Variants in FGGY observed in about 807,000 individuals in gnomAD.
The protein encoded by FGGY is FGGY carbohydrate kinase domain containing.
FGGY carries 72 observed loss-of-function variants against 71.3 expected under a neutral mutation model. That is an observed-to-expected ratio of 1.01 (90% confidence interval 0.84 to 1.23). The LOEUF is 1.23. Ranked by LOEUF, FGGY falls within the 50% of genes most tolerant of loss-of-function variation. The pLI, the probability that FGGY is intolerant of heterozygous loss-of-function variation, is 0.00. For synonymous variants in FGGY, 251 were observed against 250.3 expected (o/e 1.00, Z -0.02); for missense variants, 668 against 682.3 (o/e 0.98, Z 0.23).
intron 11 of FGGY, among the ~76,000 whole-genome samples, chr1:59,646,015 G>A (rs2097090931): frequency 6.6e-6 from 1 of 152,220 alleles, no homozygotes; most frequent in Non-Finnish European, 1.5e-5. Flanking sequence ...GAGAGTCAGG[G>A]AGGAAGCACT....
intron 11 of FGGY, among the ~76,000 whole-genome samples, chr1:59,640,101 A>G (rs2097005617): frequency 6.6e-6 from 1 of 152,196 alleles, no homozygotes; most frequent in Non-Finnish European, 1.5e-5. Flanking sequence ...ACTTTTTTAA[A>G]AAGTTGTATG....
At chr1:59,745,123 T>C (rs1039882173) in intron 14 of FGGY, among the ~76,000 whole-genome samples, 1 of 152,186 alleles carries the variant, frequency 6.6e-6, no homozygotes, top group African/African-American at 2.4e-5. Context: ...TCGATGTCTT[T>C]GCTTGTCTTT....
intron 8 of FGGY, among the ~76,000 whole-genome samples, chr1:59,566,975 C>T (rs1263997668): frequency 6.6e-6 from 1 of 152,002 alleles, no homozygotes; most frequent in Non-Finnish European, 1.5e-5. Flanking sequence ...TAGTACATTG[C>T]CATTTACTTG....
chr1:59,374,192 C>G (rs1381493862), intron 4 of FGGY, among the ~76,000 whole-genome samples: 2 of 152,062 alleles, frequency 1.3e-5, no homozygotes, highest in Admixed American at 1.3e-4. Flanking sequence ...ACAATGAACT[C>G]AAACAAATTT....
chr1:59,395,888 T>C (rs1186399148), intron 5 of FGGY, among the ~76,000 whole-genome samples: 1 of 152,150 alleles, frequency 6.6e-6, no homozygotes, highest in Non-Finnish European at 1.5e-5. Flanking sequence ...TTAGTACTAA[T>C]TAGCTTAGTA....
intron 7 of FGGY, among the ~76,000 whole-genome samples, chr1:59,522,424 C>G (rs1331096624): frequency 2.6e-5 from 4 of 152,012 alleles, no homozygotes; most frequent in Non-Finnish European, 5.9e-5. Context: ...AAAGTTGAGG[C>G]CCAGGGTGGA....
At chr1:59,621,646 T>C (rs938613249) in intron 9 of FGGY, among the ~76,000 whole-genome samples, 22 of 151,952 alleles carry the variant, frequency 1.4e-4, no homozygotes, top group Middle Eastern at 6.8e-3. Flanking sequence ...AAAATGTTAG[T>C]ATTTTCTATT....
chr1:59,410,734 T>C (rs888252459), intron 5 of FGGY, among the ~76,000 whole-genome samples: 1 of 152,214 alleles, frequency 6.6e-6, no homozygotes, highest in Non-Finnish European at 1.5e-5. Context: ...GGCAGGTAAT[T>C]GAATCTAGAA....
chr1:59,666,744 C>A (rs1484408431), intron 12 of FGGY, among the ~76,000 whole-genome samples: 2 of 152,084 alleles, frequency 1.3e-5, no homozygotes, highest in Non-Finnish European at 2.9e-5. Context: ...TAATTTTAGC[C>A]CTTAGCCACC....
intron 9 of FGGY, among the ~76,000 whole-genome samples, chr1:59,625,041 C>T (rs1042531423): frequency 3.9e-5 from 6 of 152,108 alleles, no homozygotes; most frequent in Non-Finnish European, 2.9e-5. Context: ...TTTACACAGC[C>T]CTAGCTCTCA....
chr1:59,364,761 A>T (rs1211789050), intron 4 of FGGY, among the ~76,000 whole-genome samples: 1 of 152,240 alleles, frequency 6.6e-6, no homozygotes, highest in African/African-American at 2.4e-5. Context: ...GGGTGATTTC[A>T]TGGAGTAGGA....
intron 13 of FGGY, chr1:59,673,762 G>T: frequency 2.8e-6 from 1 of 352,642 alleles, no homozygotes; most frequent in South Asian, 3.8e-5. Flanking sequence ...GTAGCAGCTT[G>T]CAGAAGCCTG....
intron 2 of FGGY, among the ~76,000 whole-genome samples, chr1:59,324,059 T>C (rs989673754): frequency 6.6e-6 from 1 of 152,124 alleles, no homozygotes; most frequent in Non-Finnish European, 1.5e-5. Flanking sequence ...TCCAGGAAGT[T>C]GAGAGCTTCA....
At chr1:59,372,567 G>A (rs1316400632) in intron 4 of FGGY, among the ~76,000 whole-genome samples, 1 of 152,140 alleles carries the variant, frequency 6.6e-6, no homozygotes, top group Non-Finnish European at 1.5e-5. Context: ...TATGAGGCCA[G>A]TATCATCCTG....
In FGGY at chr1:59,405,197, CAAG is replaced by C. The variant is rs1222152625; in HGVS notation, c.554+26362_554+26364del. Among the ~76,000 whole-genome samples the C allele has an allele frequency of 4.6e-5, 7 of 152,192 alleles. No homozygotes were observed. In the East Asian group the frequency reaches 1.2e-3, roughly 25 times the overall value. On this transcript the variant is annotated intron_variant, in intron 5 of 15. Coordinates refer to ENST00000303721, the MANE Select transcript of FGGY (RefSeq NM_018291.5). The stretch of plus-strand genomic sequence containing the variant: ...AATTATAAGATCCTGAAGGCATGAG[CAAG>C]AGGAGCAGATGGGATAGTAAAAGCA...
intron 5 of FGGY, among the ~76,000 whole-genome samples, chr1:59,388,447 C>A (rs1292659947): frequency 6.6e-6 from 1 of 152,138 alleles, no homozygotes; most frequent in Non-Finnish European, 1.5e-5. Context: ...GTCTCTGGTG[C>A]TTCTCTGAGT....
At chr1:59,484,408 A>T (rs192023348) in intron 6 of FGGY, among the ~76,000 whole-genome samples, 1 of 151,800 alleles carries the variant, frequency 6.6e-6, no homozygotes, top group Admixed American at 6.6e-5. Flanking sequence ...TCTTCTTTCC[A>T]TGGGCCTTAA....
chr1:59,732,622 G>C (rs976172222), intron 14 of FGGY, among the ~76,000 whole-genome samples: 1 of 152,010 alleles, frequency 6.6e-6, no homozygotes, highest in Non-Finnish European at 1.5e-5. Context: ...GAGAGAAAAG[G>C]GGGGTCAGAG....
At chr1:59,325,616 T>A (rs2047293397) in intron 2 of FGGY, among the ~76,000 whole-genome samples, 1 of 152,202 alleles carries the variant, frequency 6.6e-6, no homozygotes, top group Non-Finnish European at 1.5e-5. Context: ...GAGAGATTCA[T>A]CTTTATGTCT....
Sources: gnomAD v4.1 joint callset for allele counts (sites outside exome capture counted in the v4.1 genomes callset) on GRCh38, gnomAD v4.1.1 for gene constraint, MANE v1.5 for transcripts, NCBI Gene and HGNC (gene_info 2026-07-23, HGNC 2026-07-21) for gene names.